The following TMEM273 variants were observed in gnomAD, a reference collection of about 807,000 sequenced individuals.
TMEM273 encodes transmembrane protein 273.
In TMEM273, 19 loss-of-function variants were observed where a neutral mutation model predicts 17.9. The observed-to-expected ratio is 1.06, with a 90% CI of 0.74 to 1.55. TMEM273 has a LOEUF of 1.55. Among genes scored for constraint, TMEM273 ranks in the 40% most tolerant of loss-of-function variants. TMEM273 has a pLI of 0.00. For synonymous variants in TMEM273, 66 were observed against 62.0 expected (o/e 1.07, Z -0.31); for missense variants, 194 against 155.6 (o/e 1.25, Z -1.31).
intron 1 of TMEM273, among the ~76,000 whole-genome samples, chr10:49,175,439 C>A (rs953257936): frequency 1.3e-5 from 2 of 152,212 alleles, no homozygotes; most frequent in Admixed American, 1.3e-4. Context: ...GGCTGAGATG[C>A]ACCAGGGAGC....
At position 49,167,149 on chromosome 10, in the gene TMEM273, C is replaced by T. The variant is rs978843065; in HGVS notation, c.98-140G>A. 8.5e-6 allele frequency: 10 copies of T among 1,177,570 alleles called. No individual in the cohort carries two copies. The Admixed American group carries it at 1.6e-4, about 19-fold the overall frequency. 72.9% of individuals were successfully genotyped at this position (1,177,570 alleles called of 1,614,324 possible). On this transcript the variant is annotated intron_variant, in intron 2 of 6. Transcript: ENST00000374153. ...GAGGCCAGCCTCACCTTCTACTCTC[C>T]CATGAGTCCCTTTGCTCCTAGCCTC...
At chr10:49,175,362 G>A (rs373925797) in intron 1 of TMEM273, among the ~76,000 whole-genome samples, 8 of 152,222 alleles carry the variant, frequency 5.3e-5, no homozygotes, top group East Asian at 3.9e-4. Flanking sequence ...TTTTCTCCTC[G>A]CCGCACGCCA....
At chr10:49,164,921 C>G (rs1846072083) in intron 5 of TMEM273, among the ~76,000 whole-genome samples, 1 of 152,142 alleles carries the variant, frequency 6.6e-6, no homozygotes, top group African/African-American at 2.4e-5. Flanking sequence ...ACTTCTCTCT[C>G]CTTGACCCCC....
intron 6 of TMEM273, chr10:49,161,247 A>T (rs951223215): frequency 3.4e-5 from 10 of 291,778 alleles, no homozygotes; most frequent in African/African-American, 1.7e-4. Flanking sequence ...ATGTTTGGGA[A>T]TTTTTTTCAT....
intron 1 of TMEM273, among the ~76,000 whole-genome samples, chr10:49,186,359 C>T (rs115506738): frequency 0.013 from 1,953 of 152,240 alleles, 31 homozygotes; most frequent in African/African-American, 0.045. Flanking sequence ...GAATAATACC[C>T]TGTGAAATAT....
At chr10:49,185,193 A>T (rs761335221) in intron 1 of TMEM273, among the ~76,000 whole-genome samples, 1 of 152,232 alleles carries the variant, frequency 6.6e-6, no homozygotes, top group Non-Finnish European at 1.5e-5. Flanking sequence ...ACATTTGGTA[A>T]TTCAGAGTGT....
In TMEM273 at chr10:49,167,378, A is replaced by G. The variant is rs899269307; in HGVS notation, c.98-369T>C. Among the ~76,000 whole-genome samples the G allele has an allele frequency of 6.6e-5, 10 of 152,250 alleles. No homozygotes were observed. In the East Asian group the frequency reaches 1.9e-3, roughly 29 times the overall value. On this transcript the variant is annotated intron_variant, in intron 2 of 6. Coordinates refer to ENST00000374153, the MANE Select transcript of TMEM273 (RefSeq NM_001288740.3). ...GTGTTAATTGCCTGCTCTGTGGTGA[A>G]CACTGCAGGAGAATGGATAAGGCCT...
At chr10:49,186,707 A>G (rs1847750380) in intron 1 of TMEM273, among the ~76,000 whole-genome samples, 2 of 152,252 alleles carry the variant, frequency 1.3e-5, no homozygotes, top group African/African-American at 4.8e-5. Flanking sequence ...AACAGGGATG[A>G]ACATTTAAGG....
rs990299796 is a variant in TMEM273 at position 49,175,368 on chromosome 10, C to T, written c.44-7406G>A. 5.3e-5 allele frequency among the ~76,000 whole-genome samples: 8 copies of T among 152,296 alleles called. No individual in the cohort carries two copies. In the East Asian group the frequency reaches 5.8e-4, roughly 11 times the overall value. On this transcript the variant is annotated intron_variant, in intron 1 of 6. Transcript: ENST00000374153. Reference sequence around the variant, plus strand: ...CTCTGTGCCTTTTCTCCTCGCCGCACGCCACCCTGGGCAGGAACGAGAAGC... The same window carrying T: ...CTCTGTGCCTTTTCTCCTCGCCGCATGCCACCCTGGGCAGGAACGAGAAGC...
intron 1 of TMEM273, among the ~76,000 whole-genome samples, chr10:49,176,374 A>G (rs1846969411): frequency 6.6e-6 from 1 of 152,228 alleles, no homozygotes; most frequent in South Asian, 2.1e-4. Flanking sequence ...AAGGCCTCCC[A>G]TAGCCTGTAC....
chr10:49,155,827 A>C lies in TMEM273; in HGVS notation c.*65T>G. On this transcript the variant is annotated 3_prime_UTR_variant, in exon 7 of 7. Coordinates refer to ENST00000374153, the MANE Select transcript of TMEM273 (RefSeq NM_001288740.3). ...GTGTTTGAATGCAGAACATCCTGAG[A>C]TGTTAACCATGGGCTGTTTTCCACG... is the stretch of plus-strand genomic sequence containing the variant. The C allele has an allele frequency of 6.2e-7, 1 of 1,613,384 alleles. No homozygotes were observed.
intron 1 of TMEM273, among the ~76,000 whole-genome samples, chr10:49,186,047 A>AGAG (rs1351125827): frequency 8.3e-5 from 12 of 144,666 alleles, no homozygotes; most frequent in East Asian, 7.9e-4. Flanking sequence ...AAGAAGAAGA[A>AGAG]GAAGAGGAAG....
chr10:49,165,195 G>A lies in TMEM273; in HGVS notation c.348+10C>T, dbSNP rs1181382381. On this transcript the variant is annotated intron_variant, in intron 5 of 6. Transcript: ENST00000374153. Reference sequence around the variant, plus strand: ...AGAGAATGGTGGCTGGAGTCGAGAGGGGATTGTACCTTAAATAGGCCCTCC... The same window carrying A: ...AGAGAATGGTGGCTGGAGTCGAGAGAGGATTGTACCTTAAATAGGCCCTCC... 5 of 1,543,332 alleles carry A rather than the reference G, an allele frequency of 3.2e-6. No individual in the cohort carries two copies. The South Asian group carries it at 3.6e-5, about 11-fold the overall frequency.
intron 1 of TMEM273, 24 bp from the exon 2 acceptor site, chr10:49,167,986 C>T (rs759351917): frequency 6.2e-7 from 1 of 1,613,814 alleles, no homozygotes; most frequent in Non-Finnish European, 8.5e-7. Flanking sequence ...AACCCCAGAG[C>T]CTGGTTAGAA....
At chr10:49,181,879 C>A (rs907607070) in intron 1 of TMEM273, among the ~76,000 whole-genome samples, 28 of 151,818 alleles carry the variant, frequency 1.8e-4, no homozygotes, top group African/African-American at 6.8e-4. Flanking sequence ...CGTAAAAGAC[C>A]CTGTTAAGAG....
At chr10:49,177,620 AAG>A (rs1425716109) in intron 1 of TMEM273, among the ~76,000 whole-genome samples, 31 of 152,298 alleles carry the variant, frequency 2.0e-4, no homozygotes, top group Admixed American at 1.2e-3. Flanking sequence ...GGCTCCGAGG[AAG>A]AGTCTCACAG....
intron 1 of TMEM273, among the ~76,000 whole-genome samples, chr10:49,176,763 C>T (rs1413111727): frequency 1.3e-5 from 2 of 152,064 alleles, no homozygotes; most frequent in South Asian, 2.1e-4. Context: ...CAGCCTGCAC[C>T]GGAGCCCCTT....
chr10:49,163,344 A>C (rs911481048), intron 5 of TMEM273, among the ~76,000 whole-genome samples: 8 of 151,772 alleles, frequency 5.3e-5, no homozygotes, highest in African/African-American at 1.9e-4. Context: ...GACATATGGC[A>C]TCTCTGGTCC....
At chr10:49,159,450 T>C (rs1845706072) in intron 6 of TMEM273, among the ~76,000 whole-genome samples, 5 of 152,186 alleles carry the variant, frequency 3.3e-5, no homozygotes, top group Admixed American at 3.3e-4. Context: ...TATTATAGAA[T>C]AGAGAAAATG....
Sources: gnomAD v4.1 joint callset for allele counts (sites outside exome capture counted in the v4.1 genomes callset) on GRCh38, gnomAD v4.1.1 for gene constraint, MANE v1.5 for transcripts, NCBI Gene and HGNC (gene_info 2026-07-23, HGNC 2026-07-21) for gene names.